The following CC2D2A variants were observed in gnomAD, a reference collection of about 807,000 sequenced individuals.
CC2D2A encodes the protein coiled-coil and C2 domain-containing protein 2A.
In CC2D2A, 155 loss-of-function variants were observed where a neutral mutation model predicts 212.9. The observed-to-expected ratio is 0.73, with a 90% CI of 0.64 to 0.83. The LOEUF is 0.83. Among genes scored for constraint, CC2D2A ranks in the 40% least tolerant of loss-of-function variants. CC2D2A has a pLI of 0.00. For missense variants in CC2D2A, 1,856 were observed against 1,956.2 expected (o/e 0.95, Z 0.97); for synonymous variants, 667 against 686.5 (o/e 0.97, Z 0.44).
In CC2D2A at chr4:15,537,145, C is replaced by T. The variant is rs967713218; in HGVS notation, c.1764+69C>T. ...GTGTCTGGGAGGGCAGCCTCCAGTACAGGAGTGGGGAAACCAGACTGGCAG... is the reference window on the plus strand; with the variant it reads ...GTGTCTGGGAGGGCAGCCTCCAGTATAGGAGTGGGGAAACCAGACTGGCAG... On this transcript the variant is annotated intron_variant, in intron 15 of 36. Transcript: ENST00000424120. 4.8e-6 allele frequency: 7 copies of T among 1,446,650 alleles called. No individual in the cohort carries two copies. In the African/African-American group the frequency reaches 5.6e-5, roughly 12 times the overall value. The allele number at this position is 1,446,650 out of a possible 1,614,324, so 89.6% of individuals were successfully genotyped here.
At chr4:15,537,419 G>C (rs1718192428) in intron 15 of CC2D2A, among the ~76,000 whole-genome samples, 1 of 152,200 alleles carries the variant, frequency 6.6e-6, no homozygotes, top group African/African-American at 2.4e-5. Flanking sequence ...ATTAAATGTA[G>C]GGATTGATGC....
intron 1 of CC2D2A, among the ~76,000 whole-genome samples, chr4:15,473,918 GC>G (rs1714000642): frequency 1.3e-5 from 2 of 152,312 alleles, no homozygotes; most frequent in South Asian, 4.1e-4. Context: ...TACAAGGCAG[GC>G]TCAGGAGTAA....
intron 6 of CC2D2A, among the ~76,000 whole-genome samples, chr4:15,507,798 G>C (rs963668172): frequency 6.6e-6 from 1 of 152,210 alleles, no homozygotes; most frequent in Non-Finnish European, 1.5e-5. Context: ...TGTTGGGCCC[G>C]CAGAGCAGAC....
At chr4:15,475,008 G>A (rs1714085400) in intron 1 of CC2D2A, among the ~76,000 whole-genome samples, 1 of 152,216 alleles carries the variant, frequency 6.6e-6, no homozygotes, top group South Asian at 2.1e-4. Flanking sequence ...GGGCACGGTG[G>A]CTCACGCCTG....
intron 33 of CC2D2A, among the ~76,000 whole-genome samples, chr4:15,593,466 T>C (rs756467776): frequency 6.6e-6 from 1 of 152,172 alleles, no homozygotes; most frequent in Non-Finnish European, 1.5e-5. Context: ...GAATACCACA[T>C]ATATGCCGAT....
intron 35 of CC2D2A, among the ~76,000 whole-genome samples, chr4:15,599,216 C>G (rs1721465490): frequency 6.6e-6 from 1 of 152,108 alleles, no homozygotes; most frequent in Non-Finnish European, 1.5e-5. Flanking sequence ...CAGCTATCCC[C>G]AAGTCATTCA....
chr4:15,553,694 GA>G (rs1719123989), intron 19 of CC2D2A, among the ~76,000 whole-genome samples: 1 of 152,060 alleles, frequency 6.6e-6, no homozygotes, highest in Admixed American at 6.6e-5. Flanking sequence ...CTGTTTACAT[GA>G]AAGTCCCCAT....
At chr4:15,475,852 T>C (rs1714177392) in intron 1 of CC2D2A, 63 bp from the exon 2 acceptor site, 3 of 1,261,336 alleles carry the variant, frequency 2.4e-6, no homozygotes, top group Non-Finnish European at 3.4e-6. Flanking sequence ...TACATATCCA[T>C]AGTAAGAGAA....
chr4:15,587,106 A>G (rs1720886393), intron 31 of CC2D2A, among the ~76,000 whole-genome samples: 1 of 152,216 alleles, frequency 6.6e-6, no homozygotes, highest in Admixed American at 6.5e-5. Context: ...AGGTGGAGTC[A>G]GGGATGGTTT....
At chr4:15,503,740 G>T (rs996258638) in intron 6 of CC2D2A, among the ~76,000 whole-genome samples, 1 of 152,174 alleles carries the variant, frequency 6.6e-6, no homozygotes, top group Non-Finnish European at 1.5e-5. Context: ...AGTGAATTTC[G>T]TTCGTATTTG....
In CC2D2A at chr4:15,563,405, G is replaced by A. The variant is rs770896540; in HGVS notation, c.3065G>A (p.Arg1022Gln). Residue 1022 changes from arginine (R) to glutamine (Q), a missense_variant, in exon 24 of 37, where the codon CGG (arginine) becomes CAG (glutamine). By Grantham distance (43) the Arg-to-Gln change is conservative. Transcript: ENST00000424120. ...FKLAEQKRPLRPRRKGRKKVT... is the reference protein window; with the variant it reads ...FKLAEQKRPLQPRRKGRKKVT... ...CTGGCAGAACAAAAGCGACCACTGC[G>A]GCCAAGGAGAAAAGGTCGGAAGAAG... 31 of 1,608,226 alleles carry A rather than the reference G, an allele frequency of 1.9e-5. No individual in the cohort carries two copies. The highest frequency in any genetic ancestry group is 8.5e-5 in the Admixed American group (5 of 59,020).
rs778205727 is a variant in CC2D2A at position 15,540,950 on chromosome 4, G to A, written c.2117G>A (p.Arg706Gln). The change falls in exon 17 of 37, where the codon CGA becomes CAA. Residue 706 changes from arginine (R) to glutamine (Q), a missense_variant. Physicochemically the swap from Arg to Gln is conservative, Grantham distance 43. Around this residue, in one of 5 missense-constraint regions of CC2D2A, gnomAD observed 1,512 missense variants for 1,579.3 expected, o/e 0.96. Coordinates refer to ENST00000424120, the MANE Select transcript of CC2D2A (RefSeq NM_001378615.1). Reference sequence around the variant, plus strand: ...AGTCGGCCACTAGGAGCAGACTTCCGAGTTCACTTTGGGCAGATTTTCAAT... The same window carrying A: ...AGTCGGCCACTAGGAGCAGACTTCCAAGTTCACTTTGGGCAGATTTTCAAT... ...TVSRPLGADF[R>Q]VHFGQIFNLQ... The A allele has an allele frequency of 7.5e-5, 117 of 1,559,880 alleles. 2 individuals carry two copies. In the Admixed American group the frequency reaches 1.2e-3, roughly 16 times the overall value.
chr4:15,567,583 G>T (rs1719944903), intron 25 of CC2D2A, 94 bp from the exon 26 acceptor site: 12 of 1,329,388 alleles, frequency 9.0e-6, no homozygotes, highest in Non-Finnish European at 1.1e-5. Flanking sequence ...ATTTTCTTTG[G>T]AAACATACTA....
chr4:15,575,413 G>C (rs1560190537), intron 29 of CC2D2A, among the ~76,000 whole-genome samples: 2 of 152,132 alleles, frequency 1.3e-5, no homozygotes, highest in Admixed American at 1.3e-4. Context: ...CATTTCTTAG[G>C]CACTGGGAGT....
chr4:15,577,634 G>T (rs1358339726), intron 29 of CC2D2A, among the ~76,000 whole-genome samples: 3 of 151,924 alleles, frequency 2.0e-5, no homozygotes, highest in African/African-American at 2.4e-5. Context: ...TCAAACACAG[G>T]CCTCAAGAAG....
At position 15,492,845 on chromosome 4, in the gene CC2D2A, C is replaced by T. The variant is rs190447338; in HGVS notation, c.248-9584C>T. The T allele has an allele frequency of 4.1e-5, 25 of 604,814 alleles. No homozygotes were observed. The East Asian group carries it at 6.2e-4, about 15-fold the overall frequency. The allele number at this position is 604,814 out of a possible 1,614,324, so 37.5% of individuals were successfully genotyped here. A position where few individuals can be genotyped will look rare whatever the true frequency, so the allele number is the denominator to read the frequency against. On this transcript the variant is annotated intron_variant, in intron 4 of 36. Transcript: ENST00000424120. ...CTGAGGGCAATGCCAGCCCCAGCAT[C>T]GAAGGTGGAAGAGTGGGTGTCACTG...
chr4:15,572,620 C>G (rs151176447), intron 28 of CC2D2A, among the ~76,000 whole-genome samples: 6 of 151,360 alleles, frequency 4.0e-5, no homozygotes, highest in African/African-American at 1.2e-4. Flanking sequence ...CCATAGCAAG[C>G]AATTATCTGG....
chr4:15,572,020 C>T (rs1204543547), intron 28 of CC2D2A, among the ~76,000 whole-genome samples: 10 of 152,194 alleles, frequency 6.6e-5, no homozygotes, highest in Non-Finnish European at 1.5e-5. Context: ...TTTCCTTGAA[C>T]TGTGCCATAA....
chr4:15,532,829 C>A (rs529299674), intron 13 of CC2D2A, among the ~76,000 whole-genome samples: 16 of 152,352 alleles, frequency 1.1e-4, no homozygotes, highest in African/African-American at 3.4e-4. Context: ...GAAGACTTTA[C>A]ATGTATTTGT....
Sources: allele counts gnomAD v4.1 joint callset (sites outside exome capture counted in the v4.1 genomes callset), GRCh38; gene constraint gnomAD v4.1.1; regional missense constraint gnomAD v4.1.1; transcripts MANE v1.5; gene names NCBI Gene and HGNC (gene_info 2026-07-23, HGNC 2026-07-21).